Variants in RNLS observed in about 807,000 individuals in gnomAD.
RNLS encodes the protein renalase, FAD dependent amine oxidase, also known as renalase.
RNLS carries 39 observed loss-of-function variants against 39.8 expected under a neutral mutation model. The ratio of observed to expected loss-of-function variants is 0.98; its 90% CI spans 0.76 to 1.28. The LOEUF (loss-of-function observed/expected upper bound fraction) is 1.28, where lower values mean the gene tolerates loss of function less well. Ranked by LOEUF, RNLS falls within the 50% of genes most tolerant of loss-of-function variation. The probability of loss-of-function intolerance (pLI) is 0.00; values close to 1 mark genes in which losing one functional copy is unlikely to be tolerated. For synonymous variants in RNLS, 147 were observed against 150.7 expected (o/e 0.98, Z 0.18); for missense variants, 410 against 413.3 (o/e 0.99, Z 0.07).
At chr10:88,254,169 T>G in the RNLS span, among the ~76,000 whole-genome samples, 3 of 152,204 alleles carry the variant, frequency 2.0e-5, no homozygotes, top group Non-Finnish European at 4.4e-5. Flanking sequence ...ATCTGTCCAT[T>G]TCTTGATTTC....
intron 6 of RNLS, among the ~76,000 whole-genome samples, chr10:88,277,329 G>A (rs1290527474): frequency 6.6e-6 from 1 of 151,832 alleles, no homozygotes; most frequent in African/African-American, 2.4e-5. Context: ...GCCTGCCGGG[G>A]AGGTGGGGGG....
At chr10:88,505,488 G>T (rs774267773) in intron 4 of RNLS, among the ~76,000 whole-genome samples, 2 of 151,544 alleles carry the variant, frequency 1.3e-5, no homozygotes, top group South Asian at 2.1e-4. Flanking sequence ...AGAGAGAGAG[G>T]AGGAGGCAAG....
chr10:88,483,120 C>G (rs1844294404), intron 4 of RNLS, among the ~76,000 whole-genome samples: 1 of 152,272 alleles, frequency 6.6e-6, no homozygotes, highest in African/African-American at 2.4e-5. Flanking sequence ...TAAGGTTGTG[C>G]TCCTACATCT....
intron 6 of RNLS, among the ~76,000 whole-genome samples, chr10:88,279,001 A>G (rs993310542): frequency 5.3e-5 from 8 of 152,212 alleles, no homozygotes; most frequent in African/African-American, 1.9e-4. Context: ...TGGCTATTGC[A>G]ATTTTGGCAG....
chr10:88,505,469 G>C (rs1845737845), intron 4 of RNLS, among the ~76,000 whole-genome samples: 1 of 151,536 alleles, frequency 6.6e-6, no homozygotes, highest in South Asian at 2.1e-4. Flanking sequence ...ACGGGAAGGA[G>C]AGACAGAAAG....
At chr10:88,301,061 T>A (rs1187114325) in intron 6 of RNLS, among the ~76,000 whole-genome samples, 1 of 152,188 alleles carries the variant, frequency 6.6e-6, no homozygotes, top group Non-Finnish European at 1.5e-5. Flanking sequence ...TTATAAAGTA[T>A]TTGCTGGTCA....
At chr10:88,191,367 T>C in the RNLS span, among the ~76,000 whole-genome samples, 10 of 152,148 alleles carry the variant, frequency 6.6e-5, no homozygotes, top group Non-Finnish European at 1.0e-4. Flanking sequence ...TTCTTTTTTT[T>C]CTGCATGTGT....
At chr10:88,432,839 A>G (rs937207503) in intron 4 of RNLS, among the ~76,000 whole-genome samples, 1 of 152,048 alleles carries the variant, frequency 6.6e-6, no homozygotes, top group Non-Finnish European at 1.5e-5. Context: ...AATGGGGCCA[A>G]GATTCCAGAA....
At chr10:88,256,969 A>G in the RNLS span, among the ~76,000 whole-genome samples, 1 of 152,118 alleles carries the variant, frequency 6.6e-6, no homozygotes, top group African/African-American at 2.4e-5. Flanking sequence ...CAAGACTCAG[A>G]CTAAAATGGA....
Position 88,581,658 on chromosome 10 carries a change from A to T in RNLS, c.276T>A (p.Pro92=). 2 of 1,603,594 alleles carry T rather than the reference A, an allele frequency of 1.2e-6. No homozygotes were observed. The highest frequency in any genetic ancestry group is 1.7e-6 in the Non-Finnish European group (2 of 1,174,994). ...CTTCTTTCATCACCATTCCTTCAAT[A>T]GGCGAGCTTAGAGGCCTCAAAACGC... The part of the protein sequence containing the change: ...AYGVLRPLSS[P]IEGMVMKEGD... The change falls in exon 3 of 7, where the codon CCT becomes CCA. Residue 92 remains proline, a synonymous_variant. Coordinates refer to ENST00000331772, the MANE Select transcript of RNLS (RefSeq NM_001031709.3).
At chr10:88,329,382 C>T (rs1846908061) in intron 5 of RNLS, among the ~76,000 whole-genome samples, 1 of 151,954 alleles carries the variant, frequency 6.6e-6, no homozygotes, top group South Asian at 2.1e-4. Flanking sequence ...GGCTGTAGGT[C>T]CTTTGCAGTT....
chr10:88,430,482 T>A (rs1453260776), intron 4 of RNLS, among the ~76,000 whole-genome samples: 1 of 151,824 alleles, frequency 6.6e-6, no homozygotes, highest in African/African-American at 2.4e-5. Context: ...TACTTTATAT[T>A]TCTTTTTCTC....
At chr10:88,470,085 A>C (rs1843433472) in intron 4 of RNLS, among the ~76,000 whole-genome samples, 1 of 152,222 alleles carries the variant, frequency 6.6e-6, no homozygotes, top group East Asian at 1.9e-4. Flanking sequence ...CTTATTGCCC[A>C]AAGTTTAGAA....
chr10:88,342,929 C>T (rs565398633), intron 5 of RNLS, among the ~76,000 whole-genome samples: 4 of 152,266 alleles, frequency 2.6e-5, no homozygotes, highest in Non-Finnish European at 5.9e-5. Flanking sequence ...AACACAGCCA[C>T]GCCCATTCTT....
Position 88,581,674 on chromosome 10 carries a change from C to A in RNLS, c.260G>T (p.Arg87Met), listed in dbSNP as rs893138271. 2.9e-5 allele frequency: 46 copies of A among 1,593,302 alleles called. 1 individual carries two copies. The highest frequency in any genetic ancestry group is 1.3e-5 in the Non-Finnish European group (15 of 1,170,650). The change falls in exon 3 of 7, where the codon AGG becomes ATG. Residue 87 changes from arginine to methionine, a missense_variant. Coordinates refer to ENST00000331772, the MANE Select transcript of RNLS (RefSeq NM_001031709.3). Reference sequence around the variant, plus strand: ...TCCTTCAATAGGCGAGCTTAGAGGCCTCAAAACGCCATAGGCTAACAGTTC... The same window carrying A: ...TCCTTCAATAGGCGAGCTTAGAGGCATCAAAACGCCATAGGCTAACAGTTC... ...YDELLAYGVL[R>M]PLSSPIEGMV...
intron 4 of RNLS, among the ~76,000 whole-genome samples, chr10:88,472,417 A>T (rs1403032810): frequency 1.3e-5 from 2 of 152,068 alleles, no homozygotes; most frequent in Non-Finnish European, 2.9e-5. Context: ...AGCCTGGGGA[A>T]CCTGTTAACA....
intron 4 of RNLS, among the ~76,000 whole-genome samples, chr10:88,495,846 AT>A (rs1845143066): frequency 6.6e-6 from 1 of 152,046 alleles, no homozygotes; most frequent in Non-Finnish European, 1.5e-5. Flanking sequence ...GCATCTCAGC[AT>A]TTTTTTCTTT....
intron 4 of RNLS, among the ~76,000 whole-genome samples, chr10:88,420,330 T>C (rs190215313): frequency 9.8e-5 from 15 of 152,322 alleles, no homozygotes; most frequent in Admixed American, 4.6e-4. Flanking sequence ...TGCTAACTGA[T>C]TTTTCAATAC....
intron 4 of RNLS, among the ~76,000 whole-genome samples, chr10:88,519,158 C>T (rs1846569278): frequency 6.6e-6 from 1 of 151,954 alleles, no homozygotes; most frequent in Non-Finnish European, 1.5e-5. Context: ...CACAGGTGAA[C>T]CTAATGTGCA....
Sources: allele counts gnomAD v4.1 joint callset (sites outside exome capture counted in the v4.1 genomes callset), GRCh38; gene constraint gnomAD v4.1.1; transcripts MANE v1.5; gene names NCBI Gene and HGNC (gene_info 2026-07-23, HGNC 2026-07-21).